The following NPIPB2 variants were observed in gnomAD, a reference collection of about 807,000 sequenced individuals.
NPIPB2 encodes nuclear pore complex interacting protein family member B2.
Under a neutral mutation model 30.8 loss-of-function variants are expected in NPIPB2, and 27 were observed. The observed-to-expected ratio is 0.88, with a 90% confidence interval of 0.65 to 1.21. The LOEUF (loss-of-function observed/expected upper bound fraction) is 1.21. NPIPB2 is among the 50% of genes most tolerant of loss of function. NPIPB2 has a pLI of 0.00. For synonymous variants in NPIPB2, 147 were observed against 162.0 expected (o/e 0.91, Z 0.70); for missense variants, 440 against 446.2 (o/e 0.99, Z 0.13).
At chr16:11,955,353 CAAAAA>C (rs34066078) in intron 1 of NPIPB2, among the ~76,000 whole-genome samples, 1 of 46,640 alleles carries the variant, frequency 2.1e-5, no homozygotes, top group African/African-American at 7.4e-5. Flanking sequence ...AACTCTGTGT[CAAAAA>C]AAAAAAAAAA....
chr16:11,951,320 C>T (rs866657121), intron 1 of NPIPB2, among the ~76,000 whole-genome samples: 10 of 150,604 alleles, frequency 6.6e-5, no homozygotes, highest in Non-Finnish European at 1.5e-4. Flanking sequence ...AAAAATTAGC[C>T]GGGCATAGTG....
chr16:11,950,593 C>G (rs2055053114), intron 1 of NPIPB2, among the ~76,000 whole-genome samples: 1 of 152,106 alleles, frequency 6.6e-6, no homozygotes, highest in Non-Finnish European at 1.5e-5. Context: ...CAACTCAGAG[C>G]CCTTTTCTCC....
chr16:11,941,901 G>C, intron 1 of NPIPB2, 82 bp downstream of exon 1: 1 of 974,202 alleles, frequency 1.0e-6, no homozygotes, highest in Non-Finnish European at 1.6e-6. Flanking sequence ...TCCTTCCTGA[G>C]CTCCCAGGGT....
At chr16:11,965,643 T>C (rs1204836114) in intron 1 of NPIPB2, among the ~76,000 whole-genome samples, 1 of 152,210 alleles carries the variant, frequency 6.6e-6, no homozygotes, top group Non-Finnish European at 1.5e-5. Flanking sequence ...CTTGATATGA[T>C]TCAGCACTAT....
chr16:11,933,441 C>T, intron 4 of NPIPB2, 76 bp downstream of exon 4: 1 of 1,584,618 alleles, frequency 6.3e-7, no homozygotes. Context: ...AGAAAATATT[C>T]TCAAGGACTT....
intron 1 of NPIPB2, chr16:11,941,153 T>C (rs1350048220): frequency 4.0e-6 from 6 of 1,494,110 alleles, no homozygotes; most frequent in Non-Finnish European, 5.4e-6. Flanking sequence ...ACCCCGCGGG[T>C]CCAGCGTCTA....
chr16:11,947,332 A>G (rs140428794), intron 1 of NPIPB2, among the ~76,000 whole-genome samples: 11,961 of 145,432 alleles, frequency 0.082, 772 homozygotes, highest in Admixed American at 0.18. Context: ...TTATATATAT[A>G]TATATTTATT....
chr16:11,949,161 A>C (rs964673320), intron 1 of NPIPB2, among the ~76,000 whole-genome samples: 1 of 152,198 alleles, frequency 6.6e-6, no homozygotes, highest in Non-Finnish European at 1.5e-5. Context: ...TGTCTCAAAA[A>C]AAGAAAAAGA....
chr16:11,954,679 G>C (rs1161488476), intron 1 of NPIPB2, among the ~76,000 whole-genome samples: 1 of 151,804 alleles, frequency 6.6e-6, no homozygotes, highest in Non-Finnish European at 1.5e-5. Context: ...AGGCCGAGGC[G>C]GTAGGATCAC....
chr16:11,971,238 G>A (rs756637595), intron 1 of NPIPB2, among the ~76,000 whole-genome samples: 4 of 152,158 alleles, frequency 2.6e-5, no homozygotes, highest in Admixed American at 6.6e-5. Flanking sequence ...TAAAACATGT[G>A]AAGAGATTTA....
At position 11,963,318 on chromosome 16, in the gene NPIPB2, T is replaced by A. The variant is rs1444364522; in HGVS notation, c.-584+13250A>T. On this transcript the variant is annotated intron_variant, in intron 1 of 5. Transcript: ENST00000538896. ...TCGCTTGAACCTGGGAGGTGGAGGT[T>A]GCAGTGAGCCGAGATCGCGCCATTG... Among the ~76,000 whole-genome samples, 4 of 148,992 alleles carry A rather than the reference T, an allele frequency of 2.7e-5. No individual in the cohort carries two copies. The East Asian group carries it at 7.9e-4, about 29-fold the overall frequency.
rs780293021 is a variant in NPIPB2 at position 11,927,689 on chromosome 16, G to A, written c.878C>T (p.Ala293Val). 55 of 1,599,698 alleles carry A rather than the reference G, an allele frequency of 3.4e-5. 1 individual carries two copies. The highest frequency in any genetic ancestry group is 2.9e-4 in the South Asian group (26 of 90,352). The change falls in exon 8 of 8, where the codon GCG becomes GTG. Residue 293 changes from alanine (A) to valine (V), a missense_variant. Ala to Val is a moderately conservative substitution (Grantham distance 64, BLOSUM62 0). Around this residue, in one of 3 missense-constraint regions of NPIPB2, gnomAD observed 48 missense variants for 96.4 expected, o/e 0.50. Coordinates refer to ENST00000399147, the Ensembl canonical transcript of NPIPB2. ...GGGAGGTGTCTTGAGATTATCATCC[G>A]CTGAGGGTGGAAGGGGAGTGAGCAG...
intron 4 of NPIPB2, 25 bp from the exon 5 acceptor site, chr16:11,930,576 C>G: frequency 6.5e-7 from 1 of 1,535,810 alleles, no homozygotes; most frequent in Non-Finnish European, 8.7e-7. Flanking sequence ...GAGAGAAATG[C>G]ACACACATGA....
At chr16:11,939,133 A>G (rs1268674727) in intron 1 of NPIPB2, among the ~76,000 whole-genome samples, 3 of 152,186 alleles carry the variant, frequency 2.0e-5, no homozygotes, top group Non-Finnish European at 4.4e-5. Context: ...ATATGGTAAA[A>G]GAATCCCTCT....
At chr16:11,961,190 T>C (rs2055150239) in intron 1 of NPIPB2, among the ~76,000 whole-genome samples, 1 of 152,084 alleles carries the variant, frequency 6.6e-6, no homozygotes, top group Admixed American at 6.6e-5. Flanking sequence ...TCTCTCCCTA[T>C]TTCTCTAATC....
At chr16:11,967,554 G>A (rs751449017) in intron 1 of NPIPB2, 43 of 1,603,644 alleles carry the variant, frequency 2.7e-5, no homozygotes, top group South Asian at 5.5e-5. Context: ...TAATGTTTCC[G>A]TTTCTACATA....
chr16:11,952,232 C>T (rs1269393874), intron 1 of NPIPB2, among the ~76,000 whole-genome samples: 1 of 150,702 alleles, frequency 6.6e-6, no homozygotes, highest in East Asian at 1.9e-4. Flanking sequence ...TCTGTAGTCC[C>T]AGCTACTCGG....
chr16:11,945,817 TA>T (rs924628496), upstream of NPIPB2, among the ~76,000 whole-genome samples: 8 of 152,140 alleles, frequency 5.3e-5, no homozygotes, highest in African/African-American at 1.9e-4. Context: ...TCTATGTTCT[TA>T]CAGAGTGGAA....
At chr16:11,941,261 G>T in intron 1 of NPIPB2, 1 of 1,510,776 alleles carries the variant, frequency 6.6e-7, no homozygotes, top group Non-Finnish European at 8.9e-7. Flanking sequence ...TCCTTTCAGG[G>T]CGCCCTGAGG....
Sources: gnomAD v4.1 joint callset for allele counts (sites outside exome capture counted in the v4.1 genomes callset) on GRCh38, gnomAD v4.1.1 for gene constraint, gnomAD v4.1.1 regional missense constraint, MANE v1.5 for transcripts, NCBI Gene and HGNC (gene_info 2026-07-23, HGNC 2026-07-21) for gene names.